The following RIT2 variants were observed in gnomAD, a reference collection of about 807,000 sequenced individuals.
RIT2 encodes the protein Ras like without CAAX 2.
RIT2 carries 24 observed loss-of-function variants against 23.7 expected under a neutral mutation model. The observed-to-expected ratio is 1.01, with a 90% CI of 0.73 to 1.43. The LOEUF (loss-of-function observed/expected upper bound fraction) is 1.43. RIT2 is among the 40% of genes most tolerant of loss of function. The pLI is 0.00. For synonymous variants in RIT2, 107 were observed against 91.1 expected (o/e 1.17, Z -0.99); for missense variants, 236 against 266.9 (o/e 0.88, Z 0.81).
intron 2 of RIT2, among the ~76,000 whole-genome samples, chr18:43,013,728 A>C (rs1598748092): frequency 6.6e-6 from 1 of 151,682 alleles, no homozygotes; most frequent in Admixed American, 6.6e-5. Context: ...ACTCGCTGCA[A>C]TTTTCGGTAT....
chr18:42,759,143 CA>C (rs1230035741), intron 4 of RIT2, among the ~76,000 whole-genome samples: 1 of 152,096 alleles, frequency 6.6e-6, no homozygotes, highest in African/African-American at 2.4e-5. Context: ...ATCCTAAAAG[CA>C]AAAGAATTCA....
chr18:43,092,057 CTTCTT>C (rs1388822900), intron 1 of RIT2, among the ~76,000 whole-genome samples: 2 of 152,046 alleles, frequency 1.3e-5, no homozygotes, highest in African/African-American at 4.8e-5. Context: ...TAACAGAACT[CTTCTT>C]TTGATGACAT....
At chr18:42,797,882 C>G (rs566924978) in intron 4 of RIT2, among the ~76,000 whole-genome samples, 1 of 152,100 alleles carries the variant, frequency 6.6e-6, no homozygotes, top group Non-Finnish European at 1.5e-5. Flanking sequence ...ATAAGACATA[C>G]AATGCTTACA....
At chr18:42,932,327 A>G (rs764838821) in intron 3 of RIT2, among the ~76,000 whole-genome samples, 2 of 152,054 alleles carry the variant, frequency 1.3e-5, no homozygotes, top group Non-Finnish European at 2.9e-5. Context: ...CAATCCATCA[A>G]TGGGGGGAAA....
At chr18:42,995,444 CA>C (rs1456173641) in intron 2 of RIT2, among the ~76,000 whole-genome samples, 1 of 152,190 alleles carries the variant, frequency 6.6e-6, no homozygotes, top group Non-Finnish European at 1.5e-5. Context: ...AAGACCACTG[CA>C]GTCATTTCTT....
chr18:42,806,353 C>G (rs1905684481), intron 4 of RIT2, among the ~76,000 whole-genome samples: 1 of 151,754 alleles, frequency 6.6e-6, no homozygotes, highest in East Asian at 1.9e-4. Flanking sequence ...CCTGTAATCC[C>G]AGCTACTTGG....
chr18:42,876,494 C>T (rs1907746751), intron 4 of RIT2, among the ~76,000 whole-genome samples: 1 of 151,734 alleles, frequency 6.6e-6, no homozygotes, highest in African/African-American at 2.4e-5. Context: ...TTTTCAATTT[C>T]ATGCCTCTTT....
At chr18:42,893,957 T>G (rs1349388257) in intron 4 of RIT2, among the ~76,000 whole-genome samples, 1 of 152,194 alleles carries the variant, frequency 6.6e-6, no homozygotes, top group Non-Finnish European at 1.5e-5. Context: ...TTCACAAAAT[T>G]ATTACATTTA....
intron 1 of RIT2, among the ~76,000 whole-genome samples, chr18:43,076,829 C>A (rs926843605): frequency 6.6e-6 from 1 of 152,014 alleles, no homozygotes; most frequent in Non-Finnish European, 1.5e-5. Flanking sequence ...CACGGCCGGG[C>A]GCGGTGGCTC....
intron 4 of RIT2, among the ~76,000 whole-genome samples, chr18:42,918,089 T>C (rs1598714064): frequency 6.6e-6 from 1 of 152,198 alleles, no homozygotes; most frequent in Non-Finnish European, 1.5e-5. Flanking sequence ...CATACTCAAA[T>C]TGTTCATTGT....
chr18:42,750,096 A>AAG (rs1913011107), intron 4 of RIT2, among the ~76,000 whole-genome samples: 1 of 151,878 alleles, frequency 6.6e-6, no homozygotes, highest in Non-Finnish European at 1.5e-5. Flanking sequence ...TGCTGAGTGA[A>AAG]AGAAATCAGA....
intron 4 of RIT2, among the ~76,000 whole-genome samples, chr18:42,841,282 A>G (rs1027173262): frequency 1.3e-5 from 2 of 152,222 alleles, no homozygotes; most frequent in African/African-American, 4.8e-5. Flanking sequence ...ACTGGTAGAA[A>G]AACAGCCTTC....
At chr18:43,066,563 T>C (rs927510972) in intron 1 of RIT2, among the ~76,000 whole-genome samples, 1 of 152,176 alleles carries the variant, frequency 6.6e-6, no homozygotes, top group Non-Finnish European at 1.5e-5. Flanking sequence ...ACCTAGGTGA[T>C]AGGTGCTGGA....
At position 42,899,802 on chromosome 18, in the gene RIT2, T is replaced by C. The variant is rs144160372; in HGVS notation, c.426+23770A>G. ...TCCTGTTAGACTTTAAGTTTGTTTA[T>C]ATATTAAATTAGCTTGTAGTTCCTT... On this transcript the variant is annotated intron_variant, in intron 4 of 4. Transcript: ENST00000326695. Among the ~76,000 whole-genome samples, 660 of 152,256 alleles carry C rather than the reference T, an allele frequency of 4.3e-3. 9 individuals are homozygous for C. The highest frequency in any genetic ancestry group is 0.015 in the African/African-American group (619 of 41,556).
chr18:43,037,728 G>A (rs762140476), intron 1 of RIT2, among the ~76,000 whole-genome samples: 1 of 151,564 alleles, frequency 6.6e-6, no homozygotes, highest in Non-Finnish European at 1.5e-5. Flanking sequence ...GTATTTCCAG[G>A]GTTCTTGCCT....
intron 4 of RIT2, among the ~76,000 whole-genome samples, chr18:42,922,700 A>G (rs2144132771): frequency 6.6e-6 from 1 of 152,244 alleles, no homozygotes; most frequent in Admixed American, 6.5e-5. Flanking sequence ...AGAAGAGAAG[A>G]AAATATAATG....
At chr18:42,824,418 G>T (rs1304087818) in intron 4 of RIT2, among the ~76,000 whole-genome samples, 1 of 151,998 alleles carries the variant, frequency 6.6e-6, no homozygotes, top group African/African-American at 2.4e-5. Flanking sequence ...TTGGAATTAA[G>T]TCAATATAAG....
intron 2 of RIT2, among the ~76,000 whole-genome samples, chr18:42,994,095 C>T (rs1910919815): frequency 6.6e-6 from 1 of 152,104 alleles, no homozygotes; most frequent in African/African-American, 2.4e-5. Flanking sequence ...TCAATACCTC[C>T]CTCTACAACC....
intron 4 of RIT2, among the ~76,000 whole-genome samples, chr18:42,822,785 A>G (rs759893559): frequency 1.3e-5 from 2 of 152,214 alleles, no homozygotes; most frequent in Non-Finnish European, 2.9e-5. Context: ...ATGCAAATGT[A>G]AAGACATACA....
Sources: gnomAD v4.1 joint callset for allele counts (sites outside exome capture counted in the v4.1 genomes callset) on GRCh38, gnomAD v4.1.1 for gene constraint, MANE v1.5 for transcripts, NCBI Gene and HGNC (gene_info 2026-07-23, HGNC 2026-07-21) for gene names.